The following UTRN variants were observed in gnomAD, a reference collection of about 807,000 sequenced individuals.
The protein encoded by UTRN is utrophin, also known as dystrophin-related protein 1.
A neutral mutation model predicts 463.9 loss-of-function variants in UTRN; 283 were observed. The observed-to-expected ratio is 0.61, with a 90% confidence interval of 0.55 to 0.67. The LOEUF is 0.67. Ranked by LOEUF, UTRN falls within the 30% of genes least tolerant of loss-of-function variation. UTRN has a pLI of 0.00. For missense variants in UTRN, 3,922 were observed against 4,084.3 expected, an observed-to-expected ratio of 0.96 and a Z score of 1.08; for synonymous variants, 1,442 against 1,431.5, an observed-to-expected ratio of 1.01 and a Z score of -0.17.
At chr6:144,798,554 T>C (rs1481248188) in intron 64 of UTRN, among the ~76,000 whole-genome samples, 1 of 152,220 alleles carries the variant, frequency 6.6e-6, no homozygotes, top group Non-Finnish European at 1.5e-5. Context: ...GTCTGTGGTT[T>C]GTCCTAAGGT....
At chr6:144,395,204 T>A (rs1213239105) in intron 2 of UTRN, among the ~76,000 whole-genome samples, 1 of 152,164 alleles carries the variant, frequency 6.6e-6, no homozygotes, top group Admixed American at 6.5e-5. Flanking sequence ...CATATCATTA[T>A]GACTAATTCA....
chr6:144,370,617 T>C (rs1398528339), intron 2 of UTRN, among the ~76,000 whole-genome samples: 1 of 152,114 alleles, frequency 6.6e-6, no homozygotes, highest in Non-Finnish European at 1.5e-5. Context: ...AATGGAGCTG[T>C]GAGAAGAGGG....
chr6:144,484,210 A>G (rs1424286233), intron 27 of UTRN, among the ~76,000 whole-genome samples: 1 of 152,168 alleles, frequency 6.6e-6, no homozygotes, highest in Non-Finnish European at 1.5e-5. Flanking sequence ...AAACCAACAC[A>G]GTAAGAACAG....
chr6:144,716,104 TAGTC>T (rs1786415137), intron 53 of UTRN, among the ~76,000 whole-genome samples: 1 of 152,212 alleles, frequency 6.6e-6, no homozygotes. Context: ...CTTGATATTG[TAGTC>T]AGTTCAGAGG....
intron 50 of UTRN, among the ~76,000 whole-genome samples, chr6:144,567,449 T>C (rs983261638): frequency 1.3e-5 from 2 of 151,704 alleles, no homozygotes; most frequent in Non-Finnish European, 2.9e-5. Flanking sequence ...GTCTTGACTA[T>C]TTATTTCCTG....
At chr6:144,629,948 G>A (rs575420947) in intron 51 of UTRN, among the ~76,000 whole-genome samples, 2 of 152,294 alleles carry the variant, frequency 1.3e-5, no homozygotes, top group East Asian at 3.9e-4. Flanking sequence ...CACTTTGGGA[G>A]GCTGAAGCAG....
rs760235065 is a variant in UTRN, at chr6:144,479,858, C to T, written c.3383C>T (p.Ala1128Val). 17 of 1,613,704 alleles carry T rather than the reference C, an allele frequency of 1.1e-5. No individual in the cohort carries two copies. Among genetic ancestry groups the T allele is most frequent in the Admixed American group, 8.3e-5 (5 of 59,912 alleles). The change falls in exon 26 of 75, where the codon GCG becomes GTG. Residue 1128 changes from alanine to valine, a missense_variant. By Grantham distance (64) the Ala-to-Val change is moderately conservative. Around this residue, in one of 3 missense-constraint regions of UTRN, gnomAD observed 2,349 missense variants for 2,303.8 expected, o/e 1.02. Transcript: ENST00000367545. ...SRLSESQEKA[A>V]NLKKDLAEMQ... ...TTGTCTGAAAGTCAAGAAAAAGCTG[C>T]GAACCTGAAGAAAGACTTGGCAGAG...
chr6:144,704,892 G>A (rs1035513432), intron 53 of UTRN, among the ~76,000 whole-genome samples: 1 of 152,142 alleles, frequency 6.6e-6, no homozygotes, highest in Non-Finnish European at 1.5e-5. Context: ...AACCCAGGAG[G>A]CAGAGGTTGC....
At position 144,523,473 on chromosome 6, in the gene UTRN, C is replaced by G. The variant is rs1286812360; in HGVS notation, c.5906+285C>G. On this transcript the variant is annotated intron_variant, in intron 41 of 74. Transcript: ENST00000367545. ...TACAGGCGCACACCACCACGCCTGG[C>G]TAATTTTTGTATTTTTAGTAGAGAT... 2.7e-5 allele frequency among the ~76,000 whole-genome samples: 4 copies of G among 147,816 alleles called. No homozygotes were observed. In the East Asian group the frequency reaches 8.0e-4, roughly 30 times the overall value.
intron 51 of UTRN, among the ~76,000 whole-genome samples, chr6:144,591,130 A>G (rs888721985): frequency 6.6e-6 from 1 of 152,036 alleles, no homozygotes; most frequent in African/African-American, 2.4e-5. Context: ...CATTATCTTT[A>G]TCTCTGAAGT....
intron 51 of UTRN, among the ~76,000 whole-genome samples, chr6:144,622,269 G>A (rs1775499156): frequency 1.6e-5 from 2 of 125,392 alleles, no homozygotes; most frequent in Non-Finnish European, 3.1e-5. Context: ...TGCCACCTCC[G>A]CCTCCCAGGT....
chr6:144,353,088 A>G (rs1297863293), intron 2 of UTRN, among the ~76,000 whole-genome samples: 5 of 151,668 alleles, frequency 3.3e-5, no homozygotes, highest in African/African-American at 1.2e-4. Flanking sequence ...GATTACAGGC[A>G]TGTGCCACCA....
chr6:144,600,930 G>A (rs1590055), intron 51 of UTRN, among the ~76,000 whole-genome samples: 22,835 of 152,094 alleles, frequency 0.15, 1,938 homozygotes, highest in South Asian at 0.27. Context: ...CTACCATTCC[G>A]AAAATCCTAG....
chr6:144,794,026 T>C (rs759208391), intron 63 of UTRN, 35 bp downstream of exon 63: 44 of 1,607,540 alleles, frequency 2.7e-5, no homozygotes, highest in Non-Finnish European at 3.5e-5. Context: ...GTAGGATGTG[T>C]TGGCGAAGGG....
At chr6:144,846,271 C>A (rs1057209569) in intron 73 of UTRN, among the ~76,000 whole-genome samples, 16 of 152,290 alleles carry the variant, frequency 1.1e-4, no homozygotes, top group African/African-American at 3.8e-4. Context: ...ATCCAAGGGA[C>A]TATTATTATC....
chr6:144,296,049 G>A (rs78119272), intron 2 of UTRN, among the ~76,000 whole-genome samples: 6,279 of 152,178 alleles, frequency 0.041, 426 homozygotes, highest in African/African-American at 0.14. Context: ...CTGTATTTAC[G>A]TTCCCTGTGT....
intron 41 of UTRN, among the ~76,000 whole-genome samples, chr6:144,525,217 GA>G (rs1280564449): frequency 6.6e-6 from 1 of 152,064 alleles, no homozygotes; most frequent in African/African-American, 2.4e-5. Flanking sequence ...ATTTAGGGAG[GA>G]TTCCCTCTTT....
intron 41 of UTRN, among the ~76,000 whole-genome samples, chr6:144,528,134 T>G (rs938014009): frequency 1.3e-5 from 2 of 149,776 alleles, no homozygotes; most frequent in Non-Finnish European, 2.9e-5. Context: ...CCTCCCAGGT[T>G]TGAGTGATTC....
At chr6:144,728,502 C>A (rs1413303757) in intron 53 of UTRN, among the ~76,000 whole-genome samples, 1 of 148,190 alleles carries the variant, frequency 6.7e-6, no homozygotes, top group Non-Finnish European at 1.5e-5. Flanking sequence ...TCCTGAATGT[C>A]ACACATCCTG....
Sources: allele counts gnomAD v4.1 joint callset (sites outside exome capture counted in the v4.1 genomes callset), GRCh38; gene constraint gnomAD v4.1.1; regional missense constraint gnomAD v4.1.1; transcripts MANE v1.5; gene names NCBI Gene and HGNC (gene_info 2026-07-23, HGNC 2026-07-21).